MCM3: variants seen among roughly 807,000 people sequenced by gnomAD.
MCM3 encodes minichromosome maintenance complex component 3.
Under a neutral mutation model 91.3 loss-of-function variants are expected in MCM3, and 59 were observed. The observed-to-expected ratio is 0.65, with a 90% CI of 0.52 to 0.80. The LOEUF is 0.80. Ranked by LOEUF, MCM3 falls within the 30% of genes least tolerant of loss-of-function variation. The pLI is 0.00. For synonymous variants in MCM3, 383 were observed against 379.6 expected (o/e 1.01, Z -0.10); for missense variants, 919 against 1,035.4 (o/e 0.89, Z 1.54).
Position 52,277,670 on chromosome 6 carries a change from C to G in MCM3, c.898G>C (p.Ala300Pro). 6.2e-7 allele frequency: 1 copy of G among 1,613,854 alleles called. No individual in the cohort carries two copies. Residue 300 changes from alanine to proline, a missense_variant, in exon 7 of 17, where the codon GCC becomes CCC. By Grantham distance (27) the Ala-to-Pro change is conservative. Coordinates refer to ENST00000596288, the MANE Select transcript of MCM3 (RefSeq NM_002388.6). ...TGGATACTTGGGGCCAATGACTTGG[C>G]CAGCTGGTCAAAGATATCCTACAGG... ...TRSKDIFDQL[A>P]KSLAPSIHGH...
intron 13 of MCM3, among the ~76,000 whole-genome samples, chr6:52,268,311 A>C (rs1252007474): frequency 3.3e-5 from 5 of 152,210 alleles, no homozygotes; most frequent in African/African-American, 1.2e-4. Flanking sequence ...ACAACCCTTA[A>C]CCTAGCAAAA....
intron 13 of MCM3, 120 bp from the exon 14 acceptor site, chr6:52,268,088 AC>A: frequency 7.3e-7 from 1 of 1,364,258 alleles, no homozygotes; most frequent in Non-Finnish European, 1.0e-6. Context: ...CCAATGGTTT[AC>A]CTAGCTCCTC....
rs1385032825 is a variant in MCM3, at chr6:52,273,927, C to A, written c.1375-11G>T. ...CTTATACTGGTCATACTGGGGAATG[C>A]GAGGACAACAGAAGTGGACATGACA... On this transcript the variant is annotated splice_polypyrimidine_tract_variant and intron_variant, in intron 9 of 16. Coordinates refer to ENST00000596288, the MANE Select transcript of MCM3 (RefSeq NM_002388.6). 6.3e-7 allele frequency: 1 copy of A among 1,596,400 alleles called. No homozygotes were observed.
chr6:52,273,960 GAAGA>G (rs761234650), intron 9 of MCM3, 44 bp from the exon 10 acceptor site: 1 of 1,504,734 alleles, frequency 6.6e-7, no homozygotes, highest in Non-Finnish European at 9.1e-7. Flanking sequence ...ACATCAATAG[GAAGA>G]AAGAACAACA....
intron 16 of MCM3, chr6:52,265,197 T>A (rs562977896): frequency 7.0e-5 from 25 of 355,396 alleles, no homozygotes; most frequent in South Asian, 5.3e-4. Context: ...CAAATGTCTA[T>A]CATCAGAGAA....
chr6:52,277,725 T>C (rs753404446), intron 6 of MCM3, 37 bp from the exon 7 acceptor site: 47 of 1,600,774 alleles, frequency 2.9e-5, no homozygotes, highest in Non-Finnish European at 3.3e-5. Context: ...CCTAGTGAGA[T>C]TCAATGGGAC....
rs1232352196 is a variant in MCM3, at chr6:52,269,003, C to T, written c.1968+83G>A. The T allele has an allele frequency of 4.2e-6, 6 of 1,426,876 alleles. No homozygotes were observed. In the East Asian group the frequency reaches 9.5e-5, roughly 23 times the overall value. The allele number at this position is 1,426,876 out of a possible 1,614,324, so 88.4% of individuals were successfully genotyped here. On this transcript the variant is annotated intron_variant, in intron 13 of 16. Coordinates refer to ENST00000596288, the MANE Select transcript of MCM3 (RefSeq NM_002388.6). ...TTTCTGTTGACAATCCAAATGTAGC[C>T]GTCAGCCACGGAAGGCTGGGAAGCC...
At chr6:52,279,808 G>C (rs1765917985) in intron 4 of MCM3, among the ~76,000 whole-genome samples, 1 of 152,176 alleles carries the variant, frequency 6.6e-6, no homozygotes, top group Non-Finnish European at 1.5e-5. Flanking sequence ...AATGGACTAT[G>C]GTTATATTAA....
chr6:52,283,360 T>C lies in MCM3; in HGVS notation c.125A>G (p.Asp42Gly), dbSNP rs1766320801. 1 of 1,614,136 alleles carries C rather than the reference T, an allele frequency of 6.2e-7. No individual in the cohort carries two copies. Among genetic ancestry groups the C allele is most frequent in the African/African-American group, 1.3e-5 (1 of 74,950 alleles). Residue 42 changes from aspartate (D) to glycine (G), a missense_variant, in exon 2 of 17, where the codon GAC (aspartate) becomes GGC (glycine). By Grantham distance (94) the Asp-to-Gly change is moderately conservative (BLOSUM62 -1). Coordinates refer to ENST00000596288, the MANE Select transcript of MCM3 (RefSeq NM_002388.6). ...YQSKVRELIS[D>G]NQYRLIVNVN... is the part of the protein sequence containing the mutation. ...ATTGACAATCAGCCGGTATTGGTTG[T>C]CACTGATCAGCTCCCGAACTTTGCT...
At position 52,264,456 on chromosome 6, in the gene MCM3, C is replaced by T; in HGVS notation, c.*132G>A. On this transcript the variant is annotated 3_prime_UTR_variant, in exon 17 of 17. Transcript: ENST00000596288. ...CACCGAGTCCTGAACTCAGCTTCATCACCAACATTCCTCGCCTTCAGTTGA... is the reference window on the plus strand; with the variant it reads ...CACCGAGTCCTGAACTCAGCTTCATTACCAACATTCCTCGCCTTCAGTTGA... 1.0e-6 allele frequency: 1 copy of T among 984,228 alleles called. No homozygotes were observed. Among genetic ancestry groups the T allele is most frequent in the Non-Finnish European group, 1.5e-6 (1 of 653,284 alleles). The allele number at this position is 984,228 out of a possible 1,614,324, so 61.0% of individuals were successfully genotyped here. A position where few individuals can be genotyped will look rare whatever the true frequency, so the allele number is the denominator to read the frequency against.
intron 16 of MCM3, chr6:52,265,514 G>T (rs17246626): frequency 0.078 from 12,724 of 163,756 alleles, 638 homozygotes; most frequent in East Asian, 0.14. Context: ...GGTTGTCCTT[G>T]AGGGATAGAG....
In MCM3 at chr6:52,277,531, G is replaced by A. The variant is rs61753601; in HGVS notation, c.1033+4C>T. On this transcript the variant is annotated splice_donor_region_variant and intron_variant, in intron 7 of 16. Transcript: ENST00000596288. ...CAGTCTAAAGCAAATCCCCAACATCGTACCTATTAGAAGAATATTGATGTC... is the reference window on the plus strand; with the variant it reads ...CAGTCTAAAGCAAATCCCCAACATCATACCTATTAGAAGAATATTGATGTC... 25,708 of 1,611,130 alleles carry A rather than the reference G, an allele frequency of 0.016. 262 individuals carry two copies. The highest frequency in any genetic ancestry group is 0.02 in the Non-Finnish European group (23,024 of 1,178,564).
chr6:52,273,398 T>C, intron 10 of MCM3, 42 bp from the exon 11 acceptor site: 1 of 1,606,808 alleles, frequency 6.2e-7, no homozygotes, highest in Non-Finnish European at 8.5e-7. Flanking sequence ...AATAAAGAGT[T>C]TAACCCAGGG....
At chr6:52,269,031 T>G in intron 13 of MCM3, 55 bp downstream of exon 13, 2 of 1,549,108 alleles carry the variant, frequency 1.3e-6, no homozygotes, top group Non-Finnish European at 1.8e-6. Context: ...GGGAAGCCCA[T>G]GCATCTGTAA....
At position 52,282,118 on chromosome 6, in the gene MCM3, T is replaced by C; in HGVS notation, c.458A>G (p.Lys153Arg). The C allele has an allele frequency of 6.2e-7, 1 of 1,614,052 alleles. No homozygotes were observed. The highest frequency in any genetic ancestry group is 8.5e-7 in the Non-Finnish European group (1 of 1,179,948). ...RSVHYCPATK[K>R]TIERRYSDLT... ...ATCAGAATAACGTCGCTCTATGGTC[T>C]TCTTAGTAGCAGGACAGTAGTGGAC... is the stretch of plus-strand genomic sequence containing the variant. Residue 153 changes from lysine (K) to arginine (R), a missense_variant, in exon 4 of 17, where the codon AAG (lysine) becomes AGG (arginine). Lys to Arg is a conservative substitution (Grantham distance 26). This residue lies in a region of MCM3 where 401 missense variants were observed against 402.7 expected (regional missense o/e 1.00). Transcript: ENST00000596288.
chr6:52,268,060 G>T, intron 13 of MCM3, 92 bp from the exon 14 acceptor site: 2 of 1,576,238 alleles, frequency 1.3e-6, no homozygotes, highest in Non-Finnish European at 1.7e-6. Context: ...ATCATAAGCA[G>T]GAAAGACTTC....
intron 16 of MCM3, among the ~76,000 whole-genome samples, chr6:52,265,711 ATTC>A (rs948399119): frequency 1.3e-5 from 2 of 152,288 alleles, no homozygotes; most frequent in Admixed American, 6.5e-5. Context: ...GGTGGTAAAA[ATTC>A]TTCATTTCAA....
At chr6:52,268,836 A>T (rs1007821640) in intron 13 of MCM3, among the ~76,000 whole-genome samples, 2 of 152,172 alleles carry the variant, frequency 1.3e-5, no homozygotes, top group Non-Finnish European at 2.9e-5. Context: ...ACAGCACATC[A>T]ACTAAACCAG....
At chr6:52,276,691 T>G (rs1765597103) in intron 8 of MCM3, among the ~76,000 whole-genome samples, 1 of 152,168 alleles carries the variant, frequency 6.6e-6, no homozygotes, top group Non-Finnish European at 1.5e-5. Flanking sequence ...CTTTGACCCC[T>G]AAGTAACTAG....
Sources: gnomAD v4.1 joint callset for allele counts (sites outside exome capture counted in the v4.1 genomes callset) on GRCh38, gnomAD v4.1.1 for gene constraint, gnomAD v4.1.1 regional missense constraint, MANE v1.5 for transcripts, NCBI Gene and HGNC (gene_info 2026-07-23, HGNC 2026-07-21) for gene names.